SPATS2: variants seen among roughly 807,000 people sequenced by gnomAD.
The protein encoded by SPATS2 is spermatogenesis associated serine rich 2.
SPATS2 carries 38 observed loss-of-function variants against 63.7 expected under a neutral mutation model. The ratio of observed to expected loss-of-function variants is 0.60; its 90% CI spans 0.46 to 0.78. SPATS2 has a LOEUF of 0.78. Ranked by LOEUF, SPATS2 falls within the 30% of genes least tolerant of loss-of-function variation. The pLI, the probability that SPATS2 is intolerant of heterozygous loss-of-function variation, is 0.00. For synonymous variants in SPATS2, 207 were observed against 232.9 expected, an observed-to-expected ratio of 0.89 and a Z score of 1.01; for missense variants, 588 against 666.2, an observed-to-expected ratio of 0.88 and a Z score of 1.29.
chr12:49,402,518 G>T (rs1944624258), intron 2 of SPATS2, among the ~76,000 whole-genome samples: 1 of 152,150 alleles, frequency 6.6e-6, no homozygotes, highest in South Asian at 2.1e-4. Flanking sequence ...AAGGTCTAGG[G>T]TATTGACTGT....
At chr12:49,480,711 T>C (rs911288471) in intron 3 of SPATS2, among the ~76,000 whole-genome samples, 2 of 152,194 alleles carry the variant, frequency 1.3e-5, no homozygotes, top group African/African-American at 2.4e-5. Flanking sequence ...GTGGTTTTTA[T>C]TGGGGCTGTA....
chr12:49,488,350 T>A (rs1403363043), intron 4 of SPATS2, among the ~76,000 whole-genome samples: 1 of 151,908 alleles, frequency 6.6e-6, no homozygotes, highest in African/African-American at 2.4e-5. Flanking sequence ...GCCATATATT[T>A]TTAGTCTCAA....
rs1945811699 is a variant in SPATS2, at chr12:49,460,987, T to C, written c.-26T>C. On this transcript the variant is annotated 5_prime_UTR_variant, in exon 3 of 14. Coordinates refer to ENST00000552918, the MANE Select transcript of SPATS2 (RefSeq NM_023071.4). Reference sequence around the variant, plus strand: ...AAGGCAAAAGGATACTTTTCTTGTATATTTTTTGAGATCGAAGAAACGACA... The same window carrying C: ...AAGGCAAAAGGATACTTTTCTTGTACATTTTTTGAGATCGAAGAAACGACA... 1.9e-6 allele frequency: 3 copies of C among 1,613,594 alleles called. No homozygotes were observed. Among genetic ancestry groups the C allele is most frequent in the Non-Finnish European group, 2.5e-6 (3 of 1,179,730 alleles).
At chr12:49,420,618 C>T (rs1944963929) in intron 2 of SPATS2, among the ~76,000 whole-genome samples, 1 of 152,180 alleles carries the variant, frequency 6.6e-6, no homozygotes, top group African/African-American at 2.4e-5. Flanking sequence ...ATAAAATGAA[C>T]ACATGTAAAA....
intron 2 of SPATS2, among the ~76,000 whole-genome samples, chr12:49,456,137 T>A (rs1454590072): frequency 1.3e-5 from 2 of 152,170 alleles, no homozygotes. Context: ...AGCTGCTGGT[T>A]TTCATGGCTT....
chr12:49,411,399 T>C (rs1411937692), intron 2 of SPATS2, among the ~76,000 whole-genome samples: 1 of 152,096 alleles, frequency 6.6e-6, no homozygotes, highest in Admixed American at 6.6e-5. Flanking sequence ...ACTGAGACTA[T>C]GTGAAGAGAC....
At chr12:49,518,289 T>A (rs1345282903) in intron 10 of SPATS2, among the ~76,000 whole-genome samples, 2 of 152,230 alleles carry the variant, frequency 1.3e-5, no homozygotes, top group Non-Finnish European at 2.9e-5. Flanking sequence ...TGGGAGGATT[T>A]CTTTGGTTTT....
chr12:49,399,986 C>A (rs1330396835), intron 2 of SPATS2, among the ~76,000 whole-genome samples: 8 of 151,932 alleles, frequency 5.3e-5, no homozygotes, highest in African/African-American at 1.7e-4. Context: ...CAGTGAGCAG[C>A]GATCACGCCA....
At chr12:49,442,570 T>C (rs1945438459) in intron 2 of SPATS2, 1 of 156,990 alleles carries the variant, frequency 6.4e-6, no homozygotes, top group African/African-American at 2.4e-5. Flanking sequence ...TGCTTTTTTG[T>C]CTGAAGATTT....
At chr12:49,441,177 A>G (rs1006268430) in intron 2 of SPATS2, among the ~76,000 whole-genome samples, 4 of 152,072 alleles carry the variant, frequency 2.6e-5, no homozygotes, top group African/African-American at 9.7e-5. Context: ...ATACCTTTCT[A>G]TTTCCTTCTT....
At chr12:49,499,571 T>C (rs375021630) in intron 8 of SPATS2, among the ~76,000 whole-genome samples, 26 of 152,184 alleles carry the variant, frequency 1.7e-4, no homozygotes, top group African/African-American at 5.8e-4. Flanking sequence ...AGCTCTCTCA[T>C]GTGTGTAGCT....
At chr12:49,447,607 A>C (rs1945537963) in intron 2 of SPATS2, among the ~76,000 whole-genome samples, 1 of 152,224 alleles carries the variant, frequency 6.6e-6, no homozygotes, top group Admixed American at 6.5e-5. Context: ...GATAAGACAC[A>C]ATCTGGCCTT....
chr12:49,503,370 C>G (rs1592464979), intron 9 of SPATS2, among the ~76,000 whole-genome samples: 1 of 144,576 alleles, frequency 6.9e-6, no homozygotes, highest in East Asian at 2.1e-4. Flanking sequence ...GAAAAAAGAG[C>G]TGGGCGCGGT....
intron 2 of SPATS2, among the ~76,000 whole-genome samples, chr12:49,394,813 TGTA>T (rs1363398033): frequency 6.6e-6 from 1 of 152,182 alleles, no homozygotes; most frequent in African/African-American, 2.4e-5. Context: ...GCCTCACGCC[TGTA>T]ATCCCAGCAC....
Position 49,462,128 on chromosome 12 carries a change from A to T in SPATS2, c.25+1091A>T, listed in dbSNP as rs185078582. ...AAGTTAACTTCAGCAAATTACTTTG[A>T]CCTTTTTAAAACTAGAGAGTCTTTA... On this transcript the variant is annotated intron_variant, in intron 3 of 13. Coordinates refer to ENST00000552918, the MANE Select transcript of SPATS2 (RefSeq NM_023071.4). The T allele has an allele frequency of 4.3e-4, 249 of 573,814 alleles. 1 individual carries two copies. The East Asian group carries it at 6.1e-3, about 14-fold the overall frequency. 35.5% of individuals were successfully genotyped at this position (573,814 alleles called of 1,614,324 possible). A position where few individuals can be genotyped will look rare whatever the true frequency, so the allele number is the denominator to read the frequency against.
chr12:49,378,617 A>G (rs1187094183), intron 2 of SPATS2, among the ~76,000 whole-genome samples: 2 of 150,158 alleles, frequency 1.3e-5, no homozygotes, highest in African/African-American at 4.9e-5. Flanking sequence ...TTTTTTTGAG[A>G]CAGGGTCTAG....
chr12:49,381,046 T>G (rs1944210688), intron 2 of SPATS2, among the ~76,000 whole-genome samples: 1 of 151,342 alleles, frequency 6.6e-6, no homozygotes, highest in Admixed American at 6.6e-5. Context: ...CTTGTCAACA[T>G]TTGTTGTTGT....
At chr12:49,448,890 G>C (rs1344313526) in intron 2 of SPATS2, among the ~76,000 whole-genome samples, 1 of 152,060 alleles carries the variant, frequency 6.6e-6, no homozygotes, top group Non-Finnish European at 1.5e-5. Flanking sequence ...AATTTAACAA[G>C]CTTTCTCTAT....
At chr12:49,407,385 A>G (rs1944715183) in intron 2 of SPATS2, among the ~76,000 whole-genome samples, 2 of 152,186 alleles carry the variant, frequency 1.3e-5, no homozygotes. Flanking sequence ...AAGTTGTGAC[A>G]GTGGACTAAA....
Sources: gnomAD v4.1 joint callset for allele counts (sites outside exome capture counted in the v4.1 genomes callset) on GRCh38, gnomAD v4.1.1 for gene constraint, MANE v1.5 for transcripts, NCBI Gene and HGNC (gene_info 2026-07-23, HGNC 2026-07-21) for gene names.